Variants in EYA1 observed in about 807,000 individuals in gnomAD.
EYA1 encodes the protein protein phosphatase EYA1.
Under a neutral mutation model 82.0 loss-of-function variants are expected in EYA1, and 16 were observed. That is an observed-to-expected ratio of 0.20 (90% CI 0.13 to 0.30). The LOEUF is 0.30. EYA1 is among the 10% of genes least tolerant of loss of function. The pLI is 1.00. For synonymous variants in EYA1, 261 were observed against 264.4 expected, an observed-to-expected ratio of 0.99 and a Z score of 0.12; for missense variants, 633 against 730.7, an observed-to-expected ratio of 0.87 and a Z score of 1.54.
chr8:71,427,274 C>T (rs1348157848), intron 2 of EYA1, among the ~76,000 whole-genome samples: 1 of 152,208 alleles, frequency 6.6e-6, no homozygotes, highest in African/African-American at 2.4e-5. Context: ...GCTGCATCAG[C>T]TTGTGGAGCC....
At chr8:71,479,706 C>T (rs1036015427) in intron 2 of EYA1, among the ~76,000 whole-genome samples, 7 of 104,360 alleles carry the variant, frequency 6.7e-5, no homozygotes, top group Non-Finnish European at 1.2e-4. Context: ...AGCTATAATT[C>T]TATGGCCCAA....
chr8:71,453,997 C>T (rs999411323), intron 2 of EYA1, among the ~76,000 whole-genome samples: 3 of 152,008 alleles, frequency 2.0e-5, no homozygotes, highest in Admixed American at 2.0e-4. Flanking sequence ...AGAGTCGAGA[C>T]CCATCAGTGT....
intron 2 of EYA1, among the ~76,000 whole-genome samples, chr8:71,509,720 G>C (rs940036709): frequency 1.3e-5 from 2 of 152,050 alleles, no homozygotes; most frequent in African/African-American, 4.8e-5. Flanking sequence ...TCTACAAATT[G>C]CTCACAAATA....
intron 2 of EYA1, among the ~76,000 whole-genome samples, chr8:71,525,858 C>G (rs905194495): frequency 6.6e-6 from 1 of 152,148 alleles, no homozygotes; most frequent in African/African-American, 2.4e-5. Context: ...TTTACAAAAC[C>G]TTGGCTCCAG....
intron 2 of EYA1, among the ~76,000 whole-genome samples, chr8:71,511,768 C>T (rs573509481): frequency 5.3e-5 from 8 of 152,128 alleles, no homozygotes; most frequent in South Asian, 2.1e-4. Flanking sequence ...TCAAGCCTCA[C>T]GATTGAATAA....
intron 2 of EYA1, among the ~76,000 whole-genome samples, chr8:71,507,720 C>T (rs917103257): frequency 1.3e-5 from 2 of 152,140 alleles, no homozygotes; most frequent in African/African-American, 4.8e-5. Flanking sequence ...GAATGACCTC[C>T]AACATACAGC....
intron 2 of EYA1, among the ~76,000 whole-genome samples, chr8:71,520,155 C>G (rs1290902594): frequency 1.3e-5 from 2 of 152,092 alleles, no homozygotes; most frequent in African/African-American, 4.8e-5. Flanking sequence ...ACAATAATGT[C>G]CCAGTTTTTT....
chr8:71,306,787 C>T (rs1292084391), intron 7 of EYA1, among the ~76,000 whole-genome samples: 1 of 152,142 alleles, frequency 6.6e-6, no homozygotes, highest in Non-Finnish European at 1.5e-5. Flanking sequence ...CCTGAGCTCC[C>T]TAATAATTGA....
intron 2 of EYA1, among the ~76,000 whole-genome samples, chr8:71,476,387 T>C (rs994722483): frequency 2.6e-5 from 4 of 152,132 alleles, no homozygotes; most frequent in Non-Finnish European, 5.9e-5. Flanking sequence ...TAGATGTATT[T>C]ATTTCTCAAA....
At chr8:71,232,188 A>G (rs1441094881) in intron 12 of EYA1, among the ~76,000 whole-genome samples, 1 of 152,222 alleles carries the variant, frequency 6.6e-6, no homozygotes, top group Non-Finnish European at 1.5e-5. Context: ...TTGAATTCAC[A>G]GTGTTGATGG....
chr8:71,334,269 A>G (rs770113763), intron 3 of EYA1, 95 bp from the exon 4 acceptor site: 63 of 1,013,012 alleles, frequency 6.2e-5, no homozygotes, highest in Non-Finnish European at 8.6e-5. Context: ...TGACAAGAAA[A>G]TCATTTCAAA....
At chr8:71,373,113 A>T (rs1417484257) in intron 2 of EYA1, among the ~76,000 whole-genome samples, 1 of 152,126 alleles carries the variant, frequency 6.6e-6, no homozygotes, top group Non-Finnish European at 1.5e-5. Context: ...CTCTGTTCAA[A>T]ATAGTACTTG....
intron 2 of EYA1, among the ~76,000 whole-genome samples, chr8:71,463,333 C>T (rs530254755): frequency 5.9e-5 from 9 of 152,280 alleles, no homozygotes; most frequent in African/African-American, 1.4e-4. Context: ...TCCAGAATTA[C>T]CAATGTGTCT....
intron 2 of EYA1, among the ~76,000 whole-genome samples, chr8:71,444,646 A>G (rs944757718): frequency 1.3e-5 from 2 of 152,236 alleles, no homozygotes; most frequent in African/African-American, 4.8e-5. Flanking sequence ...GTGACTGAGC[A>G]TCCGTATGTA....
intron 2 of EYA1, among the ~76,000 whole-genome samples, chr8:71,482,383 T>C (rs888527219): frequency 6.6e-6 from 1 of 152,180 alleles, no homozygotes; most frequent in Admixed American, 6.5e-5. Context: ...GTTAAAGAAC[T>C]AGTATCAAGT....
At chr8:71,230,862 T>G (rs1811113935) in intron 12 of EYA1, among the ~76,000 whole-genome samples, 1 of 152,224 alleles carries the variant, frequency 6.6e-6, no homozygotes. Flanking sequence ...TAACTCTTCT[T>G]TTTCATTCAA....
At position 71,295,175 on chromosome 8, in the gene EYA1, T is replaced by G. The variant is rs76915684; in HGVS notation, c.826+3872A>C. 3.5e-3 allele frequency among the ~76,000 whole-genome samples: 538 copies of G among 152,268 alleles called. 2 individuals carry two copies. Among genetic ancestry groups the G allele is most frequent in the African/African-American group, 0.013 (523 of 41,566 alleles). On this transcript the variant is annotated intron_variant, in intron 9 of 17. Coordinates refer to ENST00000340726, the MANE Select transcript of EYA1 (RefSeq NM_000503.6). ...GAGAAAATCTAGATGGCCTTGGTTTTGGCAATAGGTTTTTAGATACAGGAG... is the reference window on the plus strand; with the variant it reads ...GAGAAAATCTAGATGGCCTTGGTTTGGGCAATAGGTTTTTAGATACAGGAG...
chr8:71,489,726 G>C (rs1432041149), intron 2 of EYA1, among the ~76,000 whole-genome samples: 7 of 152,188 alleles, frequency 4.6e-5, no homozygotes. Context: ...CTTGCTCTAG[G>C]CCTGCAAAAA....
intron 3 of EYA1, among the ~76,000 whole-genome samples, chr8:71,353,528 T>C (rs1826520408): frequency 6.6e-6 from 1 of 152,192 alleles, no homozygotes; most frequent in African/African-American, 2.4e-5. Context: ...TCATAAACAC[T>C]TGAAATGAAT....
Sources: gnomAD v4.1 joint callset for allele counts (sites outside exome capture counted in the v4.1 genomes callset) on GRCh38, gnomAD v4.1.1 for gene constraint, MANE v1.5 for transcripts, NCBI Gene and HGNC (gene_info 2026-07-23, HGNC 2026-07-21) for gene names.